SCYL3: variants seen among roughly 807,000 people sequenced by gnomAD.
SCYL3 encodes the protein protein-associating with the carboxyl-terminal domain of ezrin.
In SCYL3, 35 loss-of-function variants were observed where a neutral mutation model predicts 73.8. The ratio of observed to expected loss-of-function variants is 0.47; its 90% CI spans 0.36 to 0.63. SCYL3 has a LOEUF of 0.63. SCYL3 is among the 20% of genes least tolerant of loss of function. The pLI, the probability that SCYL3 is intolerant of heterozygous loss-of-function variation, is 0.00. For synonymous variants in SCYL3, 277 were observed against 295.2 expected (o/e 0.94, Z 0.63); for missense variants, 712 against 798.9 (o/e 0.89, Z 1.31).
Position 169,876,083 on chromosome 1 carries a change from T to C in SCYL3, c.360A>G (p.Leu120=). The part of the protein sequence containing the change: ...ALIFLHDRGH[L]THNNVCLSSV... Reference sequence around the variant, plus strand: ...ATGATAAACAGACATTATTGTGTGTTAGGTGTCCCTGGAAAAAAAAAAGAA... The same window carrying C: ...ATGATAAACAGACATTATTGTGTGTCAGGTGTCCCTGGAAAAAAAAAAGAA... Residue 120 remains leucine (L), a synonymous_variant, in exon 4 of 13, where the codon CTA becomes CTG. Coordinates refer to ENST00000367771, the MANE Select transcript of SCYL3 (RefSeq NM_020423.7). 1 of 1,577,246 alleles carries C rather than the reference T, an allele frequency of 6.3e-7. No individual in the cohort carries two copies.
chr1:169,877,313 G>A (rs1397012399), intron 3 of SCYL3, among the ~76,000 whole-genome samples: 1 of 151,920 alleles, frequency 6.6e-6, no homozygotes, highest in African/African-American at 2.4e-5. Context: ...TGCCACCATG[G>A]CTGGCTCATT....
rs545544542 is a variant in SCYL3, at chr1:169,890,027, G to T, written c.-50-1137C>A. Among the ~76,000 whole-genome samples, 25 of 152,282 alleles carry T rather than the reference G, an allele frequency of 1.6e-4. No homozygotes were observed. The South Asian group carries it at 5.0e-3, about 30-fold the overall frequency. On this transcript the variant is annotated intron_variant, in intron 1 of 12. Transcript: ENST00000367771. ...GACAACAGGGATACAAACTCACAGGGTGACAACAGGTAATGTGCAGTGCCC... is the reference window on the plus strand; with the variant it reads ...GACAACAGGGATACAAACTCACAGGTTGACAACAGGTAATGTGCAGTGCCC...
intron 11 of SCYL3, among the ~76,000 whole-genome samples, chr1:169,857,303 C>T (rs1016778901): frequency 6.6e-6 from 1 of 152,186 alleles, no homozygotes; most frequent in Admixed American, 6.5e-5. Context: ...TCAGTGTCTG[C>T]GGATGCTCAA....
intron 4 of SCYL3, among the ~76,000 whole-genome samples, chr1:169,874,724 G>A (rs1660675501): frequency 6.6e-6 from 1 of 152,142 alleles, no homozygotes; most frequent in Non-Finnish European, 1.5e-5. Context: ...TCAGGAATTT[G>A]AGACCAGCCT....
intron 7 of SCYL3, among the ~76,000 whole-genome samples, chr1:169,868,140 T>C (rs575634309): frequency 4.6e-5 from 7 of 152,346 alleles, no homozygotes; most frequent in African/African-American, 1.7e-4. Flanking sequence ...ATGCTACTTA[T>C]TTAATAAGAT....
chr1:169,864,635 GA>G, intron 8 of SCYL3, 127 bp from the exon 9 acceptor site: 1 of 996,180 alleles, frequency 1.0e-6, no homozygotes, highest in Non-Finnish European at 1.4e-6. Context: ...TGGAGATAGA[GA>G]AGGTGAACAG....
At chr1:169,885,880 AGCTGGCC>A (rs1227363679) in intron 2 of SCYL3, among the ~76,000 whole-genome samples, 4 of 152,228 alleles carry the variant, frequency 2.6e-5, no homozygotes, top group African/African-American at 2.4e-5. Context: ...GGGAGCAAGT[AGCTGGCC>A]ATTCCATCTG....
In SCYL3 at chr1:169,852,408, T is replaced by A. The variant is rs190517636; in HGVS notation, c.*1305A>T. On this transcript the variant is annotated 3_prime_UTR_variant, in exon 13 of 13. Coordinates refer to ENST00000367771, the MANE Select transcript of SCYL3 (RefSeq NM_020423.7). ...AGCACTATTAGTATAGTAATTAGTATAGTAGTAATTCATGAAGAACAACAT... is the reference window on the plus strand; with the variant it reads ...AGCACTATTAGTATAGTAATTAGTAAAGTAGTAATTCATGAAGAACAACAT... 5.0e-4 allele frequency: 135 copies of A among 268,762 alleles called. No homozygotes were observed. Among genetic ancestry groups the A allele is most frequent in the Admixed American group, 6.5e-4 (13 of 19,868 alleles). 16.6% of individuals were successfully genotyped at this position (268,762 alleles called of 1,614,324 possible). A position where few individuals can be genotyped will look rare whatever the true frequency, so the allele number is the denominator to read the frequency against.
chr1:169,871,203 C>A (rs889885298), intron 5 of SCYL3, among the ~76,000 whole-genome samples: 5 of 152,128 alleles, frequency 3.3e-5, no homozygotes, highest in Non-Finnish European at 7.4e-5. Context: ...ACTGTTTTCC[C>A]ACCCAAATCT....
intron 8 of SCYL3, among the ~76,000 whole-genome samples, chr1:169,865,892 C>T (rs752255061): frequency 6.6e-6 from 1 of 152,170 alleles, no homozygotes; most frequent in African/African-American, 2.4e-5. Flanking sequence ...CACTCCTTCC[C>T]ACCAGCCCCC....
intron 3 of SCYL3, among the ~76,000 whole-genome samples, chr1:169,877,564 G>A (rs937957696): frequency 1.3e-5 from 2 of 152,176 alleles, no homozygotes; most frequent in African/African-American, 2.4e-5. Flanking sequence ...AGAATAGTGT[G>A]TATAGTATAT....
intron 1 of SCYL3, 59 bp from the exon 2 acceptor site, chr1:169,888,949 A>G (rs778134928): frequency 1.0e-6 from 1 of 986,150 alleles, no homozygotes; most frequent in Non-Finnish European, 1.4e-6. Flanking sequence ...CATCAACAAG[A>G]GATATCCAGA....
intron 1 of SCYL3, among the ~76,000 whole-genome samples, chr1:169,890,195 G>C (rs560410199): frequency 1.2e-4 from 19 of 152,212 alleles, no homozygotes; most frequent in Non-Finnish European, 2.6e-4. Flanking sequence ...GCCACTTATC[G>C]TGAGGAACCA....
intron 1 of SCYL3, among the ~76,000 whole-genome samples, chr1:169,891,176 T>TGAGGTG (rs1228191656): frequency 2.6e-5 from 4 of 152,224 alleles, no homozygotes; most frequent in African/African-American, 4.8e-5. Context: ...AAGGATGCTA[T>TGAGGTG]GAGGTGGAGG....
At chr1:169,863,774 A>C (rs1659831811) in intron 9 of SCYL3, among the ~76,000 whole-genome samples, 2 of 152,240 alleles carry the variant, frequency 1.3e-5, no homozygotes, top group African/African-American at 4.8e-5. Context: ...AGGAAATTCT[A>C]AACTGTAACA....
At chr1:169,856,016 T>C in intron 11 of SCYL3, 3 of 1,534,158 alleles carry the variant, frequency 2.0e-6, no homozygotes, top group Non-Finnish European at 2.7e-6. Flanking sequence ...TCTTGATCTA[T>C]CACATGGTTG....
At chr1:169,855,992 G>A (rs745855009) in intron 11 of SCYL3, 1 of 1,597,422 alleles carries the variant, frequency 6.3e-7, no homozygotes, top group East Asian at 2.2e-5. Context: ...ACATGAAAGG[G>A]ACAGTAAATT....
chr1:169,880,889 G>A (rs992794785), intron 2 of SCYL3, among the ~76,000 whole-genome samples: 3 of 151,846 alleles, frequency 2.0e-5, no homozygotes, highest in African/African-American at 7.3e-5. Context: ...AGCCTCCCGA[G>A]TAGCTGGGAC....
Position 169,852,998 on chromosome 1 carries a change from T to C in SCYL3, c.*715A>G. The C allele has an allele frequency of 6.2e-7, 1 of 1,602,456 alleles. No individual in the cohort carries two copies. The highest frequency in any genetic ancestry group is 8.5e-7 in the Non-Finnish European group (1 of 1,178,594). Reference sequence around the variant, plus strand: ...CATACTCTAGGGTGAAACTTATCACTAGGCAGAACTGGGTTTGATGCTTTG... The same window carrying C: ...CATACTCTAGGGTGAAACTTATCACCAGGCAGAACTGGGTTTGATGCTTTG... On this transcript the variant is annotated 3_prime_UTR_variant, in exon 13 of 13. Coordinates refer to ENST00000367771, the MANE Select transcript of SCYL3 (RefSeq NM_020423.7).
Sources: allele counts gnomAD v4.1 joint callset (sites outside exome capture counted in the v4.1 genomes callset), GRCh38; gene constraint gnomAD v4.1.1; transcripts MANE v1.5; gene names NCBI Gene and HGNC (gene_info 2026-07-23, HGNC 2026-07-21).